OCRL: variants seen among roughly 807,000 people sequenced by gnomAD.
OCRL encodes the protein OCRL inositol polyphosphate-5-phosphatase, also known as inositol polyphosphate 5-phosphatase OCRL.
A neutral mutation model predicts 78.9 loss-of-function variants in OCRL; 8 were observed. The observed-to-expected ratio is 0.10, with a 90% CI of 0.06 to 0.18. The LOEUF is 0.18. Ranked by LOEUF, OCRL falls within the 10% of genes least tolerant of loss-of-function variation. OCRL has a pLI of 1.00. For missense variants in OCRL, 454 were observed against 696.7 expected, an observed-to-expected ratio of 0.65 and a Z score of 3.92; for synonymous variants, 240 against 235.4, an observed-to-expected ratio of 1.02 and a Z score of -0.18.
At chrX:129,574,856 T>A (rs1936348569) in intron 15 of OCRL, among the ~76,000 whole-genome samples, 1 of 112,672 alleles carries the variant, frequency 8.9e-6, no homozygotes, top group Non-Finnish European at 1.9e-5. Context: ...CGTGTGCTTC[T>A]ATAATGCTTT....
chrX:129,554,995 A>G (rs1467458307), intron 4 of OCRL, among the ~76,000 whole-genome samples: 1 of 106,261 alleles, frequency 9.4e-6, no homozygotes, highest in Non-Finnish European at 1.9e-5. Context: ...AAATAAATAA[A>G]TAAATAAAAA....
chrX:129,585,290 C>G (rs1424487421), intron 19 of OCRL, among the ~76,000 whole-genome samples: 3 of 112,026 alleles, frequency 2.7e-5, no homozygotes, highest in Non-Finnish European at 3.8e-5. Flanking sequence ...TTTAAACCAC[C>G]AAGGTTTGAG....
chrX:129,554,483 G>A (rs1936010739), intron 4 of OCRL: 2 of 111,598 alleles, frequency 1.8e-5, no homozygotes, highest in South Asian at 7.6e-4. Flanking sequence ...CTGGGAGGAT[G>A]GTGCATGATC....
At chrX:129,570,322 A>G (rs1044975030) in intron 15 of OCRL, among the ~76,000 whole-genome samples, 22 of 112,043 alleles carry the variant, frequency 2.0e-4, no homozygotes, top group African/African-American at 6.5e-4. Flanking sequence ...CTGTGTAACC[A>G]TGGACAATTT....
At chrX:129,540,903 GTCC>G (rs750586687) in intron 2 of OCRL, 80 bp downstream of exon 2, 60 of 825,942 alleles carry the variant, frequency 7.3e-5, no homozygotes, top group East Asian at 6.6e-4. Context: ...GTCACCCACT[GTCC>G]TCCTACTGAA....
chrX:129,565,653 T>C, intron 12 of OCRL, 119 bp from the exon 13 acceptor site: 1 of 559,566 alleles, frequency 1.8e-6, no homozygotes, highest in Non-Finnish European at 3.1e-6. Flanking sequence ...TTTAAACCCC[T>C]TGTGAGATAG....
chrX:129,569,840 CTTTTTTT>C (rs139960777), intron 15 of OCRL, among the ~76,000 whole-genome samples: 14 of 83,820 alleles, frequency 1.7e-4, no homozygotes, highest in African/African-American at 5.4e-4. Flanking sequence ...CTTATTTTTT[CTTTTTTT>C]TTTTTTTTTT....
chrX:129,576,613 C>A, intron 18 of OCRL, 61 bp downstream of exon 18: 1 of 860,496 alleles, frequency 1.2e-6, no homozygotes, highest in Non-Finnish European at 1.7e-6. Flanking sequence ...ACTTAAGTGA[C>A]GTCCTCATTA....
chrX:129,575,010 G>C (rs1936350530), intron 15 of OCRL, 130 bp from the exon 16 acceptor site: 1 of 512,200 alleles, frequency 2.0e-6, no homozygotes, highest in Non-Finnish European at 3.5e-6. Flanking sequence ...GAGAGTGTTT[G>C]AGGATGTTGT....
chrX:129,545,521 A>T (rs1008598405), intron 3 of OCRL, among the ~76,000 whole-genome samples: 1 of 112,422 alleles, frequency 8.9e-6, no homozygotes, highest in Non-Finnish European at 1.9e-5. Context: ...TTGGTGAATC[A>T]TAAGAAAATT....
intron 18 of OCRL, among the ~76,000 whole-genome samples, chrX:129,580,915 T>C (rs1936430248): frequency 8.9e-6 from 1 of 112,223 alleles, no homozygotes; most frequent in African/African-American, 3.2e-5. Flanking sequence ...GGCCAGGCTG[T>C]AGTGCAGTGG....
intron 22 of OCRL, 193 bp downstream of exon 22, chrX:129,589,206 CT>C (rs1936555886): frequency 1.3e-5 from 6 of 479,790 alleles, no homozygotes; most frequent in Non-Finnish European, 1.8e-5. Context: ...TATTTGCCAC[CT>C]TTTTCCCATT....
intron 2 of OCRL, among the ~76,000 whole-genome samples, chrX:129,542,917 A>C (rs762859723): frequency 1.8e-5 from 2 of 111,935 alleles, no homozygotes; most frequent in East Asian, 5.6e-4. Context: ...TCCTACTGTC[A>C]ACCATAGGAA....
chrX:129,573,835 C>G (rs1324327505), intron 15 of OCRL, among the ~76,000 whole-genome samples: 1 of 112,080 alleles, frequency 8.9e-6, no homozygotes, highest in African/African-American at 3.2e-5. Context: ...GCTAGGATTA[C>G]AGGTGTGAGC....
intron 12 of OCRL, among the ~76,000 whole-genome samples, chrX:129,563,762 A>G (rs1286662182): frequency 1.8e-5 from 2 of 111,756 alleles, no homozygotes; most frequent in Non-Finnish European, 3.8e-5. Context: ...ACCTAAAACC[A>G]TGAAAACCCT....
chrX:129,568,940 T>A (rs1443731539), intron 14 of OCRL, among the ~76,000 whole-genome samples: 1 of 112,846 alleles, frequency 8.9e-6, no homozygotes, highest in Non-Finnish European at 1.9e-5. Flanking sequence ...AAGAACGTGC[T>A]ATTTTCTCCT....
intron 13 of OCRL, among the ~76,000 whole-genome samples, chrX:129,566,116 A>C (rs1936213523): frequency 8.9e-6 from 1 of 112,309 alleles, no homozygotes; most frequent in African/African-American, 3.2e-5. Context: ...CATTTATTCA[A>C]AACGTCTTTA....
chrX:129,590,585 T>C lies in OCRL; in HGVS notation c.*315T>C. ...TTGCCCTCCTACCCAATTGTCATGA[T>C]TGTCCTTAGTACCCTAGGCCTAGAT... is the stretch of plus-strand genomic sequence containing the variant. On this transcript the variant is annotated 3_prime_UTR_variant, in exon 24 of 24. Transcript: ENST00000371113. The C allele has an allele frequency of 3.5e-6, 1 of 282,439 alleles. No individual in the cohort carries two copies. The highest frequency in any genetic ancestry group is 8.7e-5 in the East Asian group (1 of 11,511). 23.3% of individuals were successfully genotyped at this position (282,439 alleles called of 1,213,427 possible).
At chrX:129,576,983 G>A (rs1318578650) in intron 18 of OCRL, among the ~76,000 whole-genome samples, 3 of 111,647 alleles carry the variant, frequency 2.7e-5, no homozygotes, top group Non-Finnish European at 5.7e-5. Context: ...CCATCAGTTA[G>A]TAACAAATCT....
Sources: allele counts gnomAD v4.1 joint callset (sites outside exome capture counted in the v4.1 genomes callset), GRCh38; gene constraint gnomAD v4.1.1; transcripts MANE v1.5; gene names NCBI Gene and HGNC (gene_info 2026-07-23, HGNC 2026-07-21).